The following MAGI2 variants were observed in gnomAD, a reference collection of about 807,000 sequenced individuals.
MAGI2 encodes membrane associated guanylate kinase, WW and PDZ domain containing 2, also known as membrane-associated guanylate kinase, WW and PDZ domain-containing protein 2.
Under a neutral mutation model 133.3 loss-of-function variants are expected in MAGI2, and 35 were observed. The ratio of observed to expected loss-of-function variants is 0.26; its 90% CI spans 0.20 to 0.35. The LOEUF (loss-of-function observed/expected upper bound fraction) is 0.35. Among genes scored for constraint, MAGI2 ranks in the 10% least tolerant of loss-of-function variants. The probability of loss-of-function intolerance (pLI) is 1.00; values close to 1 mark genes in which losing one functional copy is unlikely to be tolerated. For synonymous variants in MAGI2, 729 were observed against 710.6 expected (o/e 1.03, Z -0.41); for missense variants, 1,636 against 1,863.4 (o/e 0.88, Z 2.25).
At chr7:78,109,409 C>G (rs1007969521) in intron 20 of MAGI2, among the ~76,000 whole-genome samples, 13 of 143,802 alleles carry the variant, frequency 9.0e-5, no homozygotes, top group East Asian at 6.5e-4. Flanking sequence ...AAGGTGGGTG[C>G]ATCACGAGGT....
At chr7:78,236,080 G>A (rs571449687) in intron 10 of MAGI2, among the ~76,000 whole-genome samples, 42 of 147,782 alleles carry the variant, frequency 2.8e-4, no homozygotes, top group African/African-American at 1.1e-3. Context: ...AGGATTTACA[G>A]TCATAAAACT....
chr7:78,447,986 T>C (rs1384319506), intron 6 of MAGI2, among the ~76,000 whole-genome samples: 3 of 152,126 alleles, frequency 2.0e-5, no homozygotes, highest in Non-Finnish European at 4.4e-5. Flanking sequence ...GATCAACTTC[T>C]TTAGATTCTA....
intron 2 of MAGI2, among the ~76,000 whole-genome samples, chr7:78,686,786 G>T (rs1199466482): frequency 1.3e-5 from 2 of 152,150 alleles, no homozygotes; most frequent in Non-Finnish European, 2.9e-5. Context: ...TTTATTCTGT[G>T]TAAGTCTAGA....
intron 1 of MAGI2, among the ~76,000 whole-genome samples, chr7:79,068,877 G>T (rs1431711929): frequency 6.6e-6 from 1 of 152,078 alleles, no homozygotes; most frequent in Non-Finnish European, 1.5e-5. Context: ...AGGTTGTACA[G>T]TTTCCATGTA....
At position 78,222,181 on chromosome 7, in the gene MAGI2, T is replaced by A. The variant is rs1479918208; in HGVS notation, c.2048-20988A>T. 7.2e-5 allele frequency among the ~76,000 whole-genome samples: 11 copies of A among 152,290 alleles called. No individual in the cohort carries two copies. The South Asian group carries it at 2.3e-3, about 32-fold the overall frequency. ...GTGTCTTCTTACACAAGAATGTGCC[T>A]GAAATATGCCCCATTCCTCGAGGGT... is the stretch of plus-strand genomic sequence containing the variant. On this transcript the variant is annotated intron_variant, in intron 10 of 21. Coordinates refer to ENST00000354212, the MANE Select transcript of MAGI2 (RefSeq NM_012301.4).
chr7:78,537,965 T>G (rs1045440142), intron 3 of MAGI2, among the ~76,000 whole-genome samples: 1 of 152,198 alleles, frequency 6.6e-6, no homozygotes, highest in Non-Finnish European at 1.5e-5. Context: ...AGAATTTTTA[T>G]GGTTTGAGGT....
chr7:78,121,493 AATG>A (rs1820474083), intron 20 of MAGI2, among the ~76,000 whole-genome samples: 1 of 152,234 alleles, frequency 6.6e-6, no homozygotes. Flanking sequence ...TATAAGAAAA[AATG>A]ATGAATATGA....
intron 21 of MAGI2, among the ~76,000 whole-genome samples, chr7:78,028,922 T>C (rs1584880238): frequency 2.0e-5 from 3 of 150,956 alleles, no homozygotes; most frequent in South Asian, 2.1e-4. Context: ...GAGAGGTAGA[T>C]AAATTAAGCA....
intron 4 of MAGI2, among the ~76,000 whole-genome samples, chr7:78,504,884 A>G (rs913535625): frequency 1.3e-5 from 2 of 152,264 alleles, no homozygotes; most frequent in African/African-American, 4.8e-5. Flanking sequence ...AAAGGTGCTT[A>G]TAATTGTTAA....
chr7:79,135,074 G>T (rs983333902), intron 1 of MAGI2, among the ~76,000 whole-genome samples: 1 of 152,194 alleles, frequency 6.6e-6, no homozygotes, highest in African/African-American at 2.4e-5. Flanking sequence ...GAATGAGTCT[G>T]TCTGCACAGT....
chr7:78,332,815 A>G (rs17150538), intron 9 of MAGI2, among the ~76,000 whole-genome samples: 5,083 of 152,204 alleles, frequency 0.033, 118 homozygotes, highest in South Asian at 0.059. Flanking sequence ...CAGTGGAGAT[A>G]TTAGGTATTT....
intron 10 of MAGI2, among the ~76,000 whole-genome samples, chr7:78,247,629 G>T (rs1204572764): frequency 2.0e-5 from 3 of 152,110 alleles, no homozygotes; most frequent in Non-Finnish European, 4.4e-5. Context: ...AAATCTTGGA[G>T]CTGAAGAATT....
At chr7:78,101,143 A>T (rs1818176407) in intron 20 of MAGI2, among the ~76,000 whole-genome samples, 1 of 152,242 alleles carries the variant, frequency 6.6e-6, no homozygotes, top group African/African-American at 2.4e-5. Context: ...TGATCAACAG[A>T]TTTAATGTAA....
intron 3 of MAGI2, among the ~76,000 whole-genome samples, chr7:78,602,106 T>C (rs1186582007): frequency 2.6e-5 from 4 of 152,220 alleles, no homozygotes; most frequent in Admixed American, 2.6e-4. Flanking sequence ...CAATTTCTCT[T>C]CTTTCACTCT....
intron 1 of MAGI2, among the ~76,000 whole-genome samples, chr7:79,166,864 A>G (rs1457018991): frequency 6.6e-6 from 1 of 152,070 alleles, no homozygotes; most frequent in Non-Finnish European, 1.5e-5. Flanking sequence ...TGCACGGTAC[A>G]GAAAAGAAAG....
Position 78,771,530 on chromosome 7 carries a change from TAG to T in MAGI2, c.419-144293_419-144292del, listed in dbSNP as rs1404303572. ...TCCCCTTTTACCAATTAAGAGAAGC[TAG>T]TATAGTATAATGAAATGTAATTAAA... On this transcript the variant is annotated intron_variant, in intron 2 of 21. Transcript: ENST00000354212. Among the ~76,000 whole-genome samples the T allele has an allele frequency of 2.0e-5, 3 of 152,224 alleles. No individual in the cohort carries two copies. The East Asian group carries it at 5.8e-4, about 29-fold the overall frequency.
chr7:78,214,711 C>G lies in MAGI2; in HGVS notation c.2048-13518G>C, dbSNP rs17149992. Among the ~76,000 whole-genome samples, 1,930 of 152,290 alleles carry G rather than the reference C, an allele frequency of 0.013. 102 individuals carry two copies. The East Asian group carries it at 0.14, about 11-fold the overall frequency. ...ATCTTCCCTTAAGACTATGGCTTCC[C>G]TGATTAACAATAGTTGTTACTACTT... On this transcript the variant is annotated intron_variant, in intron 10 of 21. Transcript: ENST00000354212.
At chr7:78,717,730 T>G (rs1270737400) in intron 2 of MAGI2, among the ~76,000 whole-genome samples, 1 of 152,176 alleles carries the variant, frequency 6.6e-6, no homozygotes, top group East Asian at 1.9e-4. Flanking sequence ...AGTATTATTA[T>G]TTTCATTGTA....
intron 10 of MAGI2, among the ~76,000 whole-genome samples, chr7:78,219,995 T>A (rs1788648946): frequency 6.6e-6 from 1 of 152,196 alleles, no homozygotes; most frequent in African/African-American, 2.4e-5. Context: ...TTCTCTTTTC[T>A]TCTATAGTGG....
Sources: allele counts gnomAD v4.1 joint callset (sites outside exome capture counted in the v4.1 genomes callset), GRCh38; gene constraint gnomAD v4.1.1; transcripts MANE v1.5; gene names NCBI Gene and HGNC (gene_info 2026-07-23, HGNC 2026-07-21).